The following MAN2B1 variants were observed in gnomAD, a reference collection of about 807,000 sequenced individuals.
MAN2B1 encodes mannosidase alpha class 2B member 1, also known as lysosomal alpha-mannosidase.
Under a neutral mutation model 127.5 loss-of-function variants are expected in MAN2B1, and 99 were observed. The observed-to-expected ratio is 0.78, with a 90% CI of 0.66 to 0.92. The LOEUF is 0.92. Ranked by LOEUF, MAN2B1 falls within the 40% of genes least tolerant of loss-of-function variation. The pLI, the probability that MAN2B1 is intolerant of heterozygous loss-of-function variation, is 0.00. For synonymous variants in MAN2B1, 573 were observed against 568.8 expected, an observed-to-expected ratio of 1.01 and a Z score of -0.11; for missense variants, 1,304 against 1,384.8, an observed-to-expected ratio of 0.94 and a Z score of 0.93.
Position 12,658,361 on chromosome 19 carries a change from A to G in MAN2B1, c.1110-17T>C, listed in dbSNP as rs1408353828. 3 of 1,614,212 alleles carry G rather than the reference A, an allele frequency of 1.9e-6. No homozygotes were observed. In the Admixed American group the frequency reaches 5.0e-5, roughly 27 times the overall value. The stretch of plus-strand genomic sequence containing the variant: ...TTCACTGACCTACAGCGGCAGGGGC[A>G]TTGAGGGCAGGGTCATGACCCACGG... On this transcript the variant is annotated splice_polypyrimidine_tract_variant and intron_variant, in intron 8 of 23. Transcript: ENST00000456935.
chr19:12,652,035 C>T, intron 16 of MAN2B1, 118 bp downstream of exon 16: 1 of 817,516 alleles, frequency 1.2e-6, no homozygotes, highest in Non-Finnish European at 2.2e-6. Flanking sequence ...TCTTAGCCCA[C>T]TGATCTGAAG....
At position 12,649,895 on chromosome 19, in the gene MAN2B1, C is replaced by A. The variant is rs2023800590; in HGVS notation, c.2267+18G>T. The A allele has an allele frequency of 6.6e-7, 1 of 1,522,112 alleles. No individual in the cohort carries two copies. Among genetic ancestry groups the A allele is most frequent in the South Asian group, 1.1e-5 (1 of 89,838 alleles). The allele number at this position is 1,522,112 out of a possible 1,614,324, so 94.3% of individuals were successfully genotyped here. ...CACACCACAGACCACCCCCTCAGTGCTCTCAGTCACCCCCCACCTCCTCTC... is the reference window on the plus strand; with the variant it reads ...CACACCACAGACCACCCCCTCAGTGATCTCAGTCACCCCCCACCTCCTCTC... On this transcript the variant is annotated intron_variant, in intron 18 of 23. Coordinates refer to ENST00000456935, the MANE Select transcript of MAN2B1 (RefSeq NM_000528.4).
At chr19:12,661,106 G>T in intron 7 of MAN2B1, 154 bp downstream of exon 7, 1 of 682,538 alleles carries the variant, frequency 1.5e-6, no homozygotes, top group Non-Finnish European at 2.7e-6. Context: ...TATTTCTGTT[G>T]TTTTGAGCTG....
rs1477375147 is a variant in MAN2B1 at position 12,647,288 on chromosome 19, C to G, written c.2868G>C (p.Leu956=). The change falls in exon 23 of 24, where the codon CTG becomes CTC. Residue 956 remains leucine, a synonymous_variant. Transcript: ENST00000456935. The surrounding 1 kb of genome is among the most constrained non-coding windows in gnomAD (Gnocchi z 4.9). ...CTGCCTCGCGGAGCTGGTTGGCCAC[C>G]AGCGTGGTCTCCTGCAGGCGGGTGA... The part of the protein sequence containing the change: ...FTITRLQETT[L]VANQLREAAS... 6.2e-7 allele frequency: 1 copy of G among 1,614,176 alleles called. No individual in the cohort carries two copies. Among genetic ancestry groups the G allele is most frequent in the Non-Finnish European group, 8.5e-7 (1 of 1,180,038 alleles).
At chr19:12,653,962 G>A (rs1039023384) in intron 14 of MAN2B1, among the ~76,000 whole-genome samples, 3 of 151,798 alleles carry the variant, frequency 2.0e-5, no homozygotes, top group African/African-American at 7.3e-5. Context: ...CAGGTGACCT[G>A]CCAGCCTCAG....
chr19:12,658,681 A>G, intron 7 of MAN2B1, 171 bp from the exon 8 acceptor site: 1 of 661,264 alleles, frequency 1.5e-6, no homozygotes, highest in South Asian at 1.7e-5. Flanking sequence ...CTGAAGTCAA[A>G]CATGACCACT....
rs146637816 is a variant in MAN2B1 at position 12,659,946 on chromosome 19, T to C, written c.1026+1314A>G. Reference sequence around the variant, plus strand: ...GAAGGTGGGAATGGAGATTGCACCGTAGTGAGGACAAGATTGATGGGAAGG... The same window carrying C: ...GAAGGTGGGAATGGAGATTGCACCGCAGTGAGGACAAGATTGATGGGAAGG... On this transcript the variant is annotated intron_variant, in intron 7 of 23. Transcript: ENST00000456935. 5.3e-3 allele frequency among the ~76,000 whole-genome samples: 800 copies of C among 152,168 alleles called. 12 individuals are homozygous for C. The highest frequency in any genetic ancestry group is 0.018 in the African/African-American group (751 of 41,510).
intron 4 of MAN2B1, 80 bp from the exon 5 acceptor site, chr19:12,663,915 C>T: frequency 6.4e-7 from 1 of 1,558,570 alleles, no homozygotes; most frequent in South Asian, 1.1e-5. Context: ...TTGGGAGGGG[C>T]AGGTCAGAGC....
chr19:12,666,469 C>T (rs1481367850), intron 1 of MAN2B1, 74 bp downstream of exon 1: 15 of 1,516,084 alleles, frequency 9.9e-6, no homozygotes, highest in Non-Finnish European at 1.3e-5. Flanking sequence ...CAGGACAGAC[C>T]CACCCACACC....
intron 14 of MAN2B1, among the ~76,000 whole-genome samples, chr19:12,653,629 C>T (rs1489598924): frequency 6.6e-6 from 1 of 151,936 alleles, no homozygotes; most frequent in Non-Finnish European, 1.5e-5. Flanking sequence ...AATTTGTTTT[C>T]TAGAGATGGG....
rs1046842935 is a variant in MAN2B1, at chr19:12,661,367, A to T, written c.919T>A (p.Tyr307Asn). Reference protein sequence around the residue: ...LNVATAQGRYYRTNHTVMTMG... With the variant: ...LNVATAQGRYNRTNHTVMTMG... ...GTCATCACAGTGTGGTTGGTGCGGT[A>T]ATACCGGCCCTGCAGGCAAGAGGGG... The change falls in exon 7 of 24, where the codon TAC becomes AAC. Residue 307 changes from tyrosine (Y) to asparagine (N), a missense_variant. Transcript: ENST00000456935. 6.2e-7 allele frequency: 1 copy of T among 1,610,874 alleles called. No homozygotes were observed. Among genetic ancestry groups the T allele is most frequent in the Non-Finnish European group, 8.5e-7 (1 of 1,177,070 alleles).
At chr19:12,663,203 G>C (rs2145280631) in intron 6 of MAN2B1, 114 bp downstream of exon 6, 5 of 1,296,386 alleles carry the variant, frequency 3.9e-6, no homozygotes, top group Non-Finnish European at 5.6e-6. Context: ...GACAGAGTAA[G>C]ACTGTCTCAA....
At chr19:12,656,303 G>C (rs975605651) in intron 13 of MAN2B1, 1 of 493,036 alleles carries the variant, frequency 2.0e-6, no homozygotes, top group Admixed American at 3.5e-5. Flanking sequence ...TTTGAAGTGA[G>C]CCAAGATCGC....
In MAN2B1 at chr19:12,649,158, C is replaced by G. The variant is rs2023773990; in HGVS notation, c.2414G>C (p.Arg805Thr). ...CACCATGAGCTCCAGCGAGCCATCTCTCAGGCTGCTGCCCCCCTGGGAGCG... is the reference window on the plus strand; with the variant it reads ...CACCATGAGCTCCAGCGAGCCATCTGTCAGGCTGCTGCCCCCCTGGGAGCG... ...TDRSQGGSSL[R>T]DGSLELMVHR... The change falls in exon 20 of 24, where the codon AGA (arginine) becomes ACA (threonine). Residue 805 changes from arginine (R) to threonine (T), a missense_variant. Arg to Thr is a moderately conservative substitution (Grantham distance 71, BLOSUM62 -1). Coordinates refer to ENST00000456935, the MANE Select transcript of MAN2B1 (RefSeq NM_000528.4). 6.2e-7 allele frequency: 1 copy of G among 1,612,480 alleles called. No individual in the cohort carries two copies. The highest frequency in any genetic ancestry group is 8.5e-7 in the Non-Finnish European group (1 of 1,179,996).
chr19:12,657,608 C>G (rs2023999999), intron 10 of MAN2B1, 53 bp from the exon 11 acceptor site: 2 of 1,441,188 alleles, frequency 1.4e-6, no homozygotes, highest in Non-Finnish European at 9.5e-7. Context: ...GCTGAGACCC[C>G]AAGGGGAAGC....
chr19:12,656,104 A>G (rs1599348727), intron 13 of MAN2B1: 4 of 459,136 alleles, frequency 8.7e-6, no homozygotes, highest in Non-Finnish European at 1.2e-5. Context: ...GAGTCGGGGG[A>G]GTGAAGGAGG....
chr19:12,654,622 A>C (rs1440356941), intron 14 of MAN2B1, among the ~76,000 whole-genome samples: 4 of 152,194 alleles, frequency 2.6e-5, no homozygotes, highest in Non-Finnish European at 4.4e-5. Flanking sequence ...ATTTTAATAA[A>C]AATATGAAAA....
rs398123456 is a variant in MAN2B1, at chr19:12,649,174, C to T, written c.2398G>A (p.Gly800Arg). The part of the protein sequence containing the change: ...QLTVLTDRSQ[G>R]GSSLRDGSLE... Reference sequence around the variant, plus strand: ...GAGCCATCTCTCAGGCTGCTGCCCCCCTGGGAGCGGTCAGTCAGCACAGTC... The same window carrying T: ...GAGCCATCTCTCAGGCTGCTGCCCCTCTGGGAGCGGTCAGTCAGCACAGTC... Residue 800 changes from glycine to arginine, a missense_variant, in exon 20 of 24, where the codon GGG (glycine) becomes AGG (arginine). Transcript: ENST00000456935. 2 of 1,612,740 alleles carry T rather than the reference C, an allele frequency of 1.2e-6. No homozygotes were observed. Among genetic ancestry groups the T allele is most frequent in the Non-Finnish European group, 8.5e-7 (1 of 1,180,002 alleles).
rs146220051 is a variant in MAN2B1 at position 12,648,951 on chromosome 19, T to G, written c.2436+185A>C. Among the ~76,000 whole-genome samples, 121 of 152,258 alleles carry G rather than the reference T, an allele frequency of 7.9e-4. 2 individuals carry two copies. In the East Asian group the frequency reaches 0.021, roughly 26 times the overall value. Reference sequence around the variant, plus strand: ...CAGAGGTTGCAGTGAGCTGAGATAGTACTATTGCACTCCAGCTTGGACAAC... The same window carrying G: ...CAGAGGTTGCAGTGAGCTGAGATAGGACTATTGCACTCCAGCTTGGACAAC... On this transcript the variant is annotated intron_variant, in intron 20 of 23. Coordinates refer to ENST00000456935, the MANE Select transcript of MAN2B1 (RefSeq NM_000528.4).
Sources: gnomAD v4.1 joint callset for allele counts (sites outside exome capture counted in the v4.1 genomes callset) on GRCh38, gnomAD v4.1.1 for gene constraint, Gnocchi (gnomAD v3.1) non-coding constraint, MANE v1.5 for transcripts, NCBI Gene and HGNC (gene_info 2026-07-23, HGNC 2026-07-21) for gene names.